PTPRD: variants seen among roughly 807,000 people sequenced by gnomAD.
PTPRD encodes the protein protein tyrosine phosphatase receptor type D.
A neutral mutation model predicts 214.5 loss-of-function variants in PTPRD; 34 were observed. The observed-to-expected ratio is 0.16, with a 90% CI of 0.12 to 0.21. PTPRD has a LOEUF of 0.21. Among genes scored for constraint, PTPRD ranks in the 10% least tolerant of loss-of-function variants. The pLI is 1.00. For synonymous variants in PTPRD, 1,128 were observed against 845.7 expected, an observed-to-expected ratio of 1.33 and a Z score of -5.79; for missense variants, 2,545 against 2,398.7, an observed-to-expected ratio of 1.06 and a Z score of -1.27.
chr9:9,486,585 A>T (rs561862224), intron 8 of PTPRD, among the ~76,000 whole-genome samples: 6 of 151,406 alleles, frequency 4.0e-5, no homozygotes, highest in African/African-American at 1.5e-4. Context: ...CTTCCTTCTC[A>T]AATGTTCAAT....
intron 12 of PTPRD, among the ~76,000 whole-genome samples, chr9:8,664,615 C>A (rs2097134150): frequency 6.6e-6 from 1 of 152,200 alleles, no homozygotes; most frequent in African/African-American, 2.4e-5. Flanking sequence ...ACCACCAGCT[C>A]ATATACTTCC....
intron 9 of PTPRD, among the ~76,000 whole-genome samples, chr9:9,332,297 T>C (rs1054854743): frequency 6.6e-5 from 10 of 152,018 alleles, no homozygotes; most frequent in African/African-American, 2.4e-4. Flanking sequence ...ATCATGCATA[T>C]TTTTATATTC....
chr9:10,394,030 A>T (rs373648369), intron 2 of PTPRD, among the ~76,000 whole-genome samples: 1 of 147,434 alleles, frequency 6.8e-6, no homozygotes, highest in East Asian at 2.0e-4. Flanking sequence ...AGAGACAAAC[A>T]ATAAATAGAT....
chr9:10,060,764 C>G (rs10119565), intron 3 of PTPRD, among the ~76,000 whole-genome samples: 23,761 of 138,936 alleles, frequency 0.17, 6,525 homozygotes, highest in African/African-American at 0.6. Context: ...GCATACCAAT[C>G]ACAGGTCTTG....
chr9:8,939,070 T>A (rs2099015230), intron 11 of PTPRD, among the ~76,000 whole-genome samples: 1 of 152,174 alleles, frequency 6.6e-6, no homozygotes, highest in Admixed American at 6.6e-5. Context: ...TAATTGAATT[T>A]TGAATGTACA....
At chr9:9,439,381 A>G (rs2086616678) in intron 8 of PTPRD, among the ~76,000 whole-genome samples, 1 of 152,180 alleles carries the variant, frequency 6.6e-6, no homozygotes, top group African/African-American at 2.4e-5. Context: ...GAGGATCAGG[A>G]GTCTTAGGTC....
chr9:8,893,404 G>A (rs917837772), intron 11 of PTPRD, among the ~76,000 whole-genome samples: 2 of 152,166 alleles, frequency 1.3e-5, no homozygotes, highest in Non-Finnish European at 2.9e-5. Context: ...CAAAAGGCTT[G>A]TAGAGAAACA....
At chr9:9,138,145 T>A in intron 10 of PTPRD, among the ~76,000 whole-genome samples, 1 of 152,092 alleles carries the variant, frequency 6.6e-6, no homozygotes, top group East Asian at 1.9e-4. Context: ...AAGAAATCTT[T>A]TTTTTTTCTT....
At chr9:8,771,034 A>T (rs1202801530) in intron 11 of PTPRD, among the ~76,000 whole-genome samples, 1 of 151,984 alleles carries the variant, frequency 6.6e-6, no homozygotes, top group Non-Finnish European at 1.5e-5. Flanking sequence ...AAAAAAAATT[A>T]GCCGGGCGTG....
intron 3 of PTPRD, among the ~76,000 whole-genome samples, chr9:10,319,720 C>A (rs2096518549): frequency 6.6e-6 from 1 of 151,886 alleles, no homozygotes; most frequent in African/African-American, 2.4e-5. Flanking sequence ...TATGCTTTTA[C>A]ATTCTTATTG....
At chr9:10,407,140 ATG>A (rs1565836373) in intron 2 of PTPRD, among the ~76,000 whole-genome samples, 18 of 151,712 alleles carry the variant, frequency 1.2e-4, no homozygotes, top group Non-Finnish European at 1.9e-4. Context: ...CCGGGCAGAC[ATG>A]CAGATAAGTG....
At chr9:9,782,591 C>G (rs1349902519) in intron 5 of PTPRD, among the ~76,000 whole-genome samples, 1 of 152,128 alleles carries the variant, frequency 6.6e-6, no homozygotes, top group Non-Finnish European at 1.5e-5. Flanking sequence ...GAACTCCCTG[C>G]CCAGTAATCC....
At position 9,243,003 on chromosome 9, in the gene PTPRD, G is replaced by A. The variant is rs138488567; in HGVS notation, c.-202-59640C>T. ...GCTTTTGGTCTTTGATGATGGTGAC[G>A]TACAGATGGGGTTTTGGTGTGGATA... On this transcript the variant is annotated intron_variant, in intron 9 of 45. Coordinates refer to ENST00000381196, the MANE Select transcript of PTPRD (RefSeq NM_002839.4). Among the ~76,000 whole-genome samples, 1,022 of 152,110 alleles carry A rather than the reference G, an allele frequency of 6.7e-3. 11 individuals are homozygous for A. Among genetic ancestry groups the A allele is most frequent in the African/African-American group, 0.023 (954 of 41,508 alleles).
chr9:8,538,237 A>G (rs1341745079), intron 14 of PTPRD, among the ~76,000 whole-genome samples: 1 of 152,022 alleles, frequency 6.6e-6, no homozygotes, highest in African/African-American at 2.4e-5. Flanking sequence ...TGAATATTCA[A>G]ATAATTAACC....
chr9:8,995,209 G>C (rs934140539), intron 11 of PTPRD, among the ~76,000 whole-genome samples: 1 of 151,984 alleles, frequency 6.6e-6, no homozygotes, highest in African/African-American at 2.4e-5. Context: ...ATTTGGACCT[G>C]TACTAGGAAT....
At chr9:8,500,107 G>A (rs1416975744) in intron 24 of PTPRD, among the ~76,000 whole-genome samples, 2 of 146,916 alleles carry the variant, frequency 1.4e-5, no homozygotes, top group African/African-American at 5.0e-5. Context: ...AGAAAAACAT[G>A]TAAAAAATGT....
At chr9:9,422,642 GCCA>G (rs2079238789) in intron 8 of PTPRD, among the ~76,000 whole-genome samples, 1 of 152,110 alleles carries the variant, frequency 6.6e-6, no homozygotes, top group African/African-American at 2.4e-5. Context: ...GATAGACGCT[GCCA>G]CCAACAGAAG....
intron 8 of PTPRD, among the ~76,000 whole-genome samples, chr9:9,565,647 C>G (rs2084283263): frequency 6.6e-6 from 1 of 151,836 alleles, no homozygotes; most frequent in Admixed American, 6.6e-5. Flanking sequence ...AAATAAACTA[C>G]AGGTACCTTT....
intron 8 of PTPRD, among the ~76,000 whole-genome samples, chr9:9,491,730 T>C (rs1018761103): frequency 4.6e-5 from 7 of 151,752 alleles, no homozygotes; most frequent in African/African-American, 7.3e-5. Flanking sequence ...TATTTAGAGA[T>C]GAATAAAATA....
Sources: gnomAD v4.1 joint callset for allele counts (sites outside exome capture counted in the v4.1 genomes callset) on GRCh38, gnomAD v4.1.1 for gene constraint, MANE v1.5 for transcripts, NCBI Gene and HGNC (gene_info 2026-07-23, HGNC 2026-07-21) for gene names.